AFG1L: variants seen among roughly 807,000 people sequenced by gnomAD.
AFG1L encodes AFG1 like ATPase.
In AFG1L, 53 loss-of-function variants were observed where a neutral mutation model predicts 62.2. The ratio of observed to expected loss-of-function variants is 0.85; its 90% CI spans 0.68 to 1.07. The LOEUF (loss-of-function observed/expected upper bound fraction) is 1.07, where lower values mean the gene tolerates loss of function less well. Ranked by LOEUF, AFG1L falls within the 50% of genes least tolerant of loss-of-function variation. AFG1L has a pLI of 0.00. For synonymous variants in AFG1L, 228 were observed against 210.3 expected (o/e 1.08, Z -0.73); for missense variants, 555 against 590.5 (o/e 0.94, Z 0.62).
At chr6:108,496,992 T>A (rs2114866169) in intron 10 of AFG1L, among the ~76,000 whole-genome samples, 1 of 152,346 alleles carries the variant, frequency 6.6e-6, no homozygotes, top group Non-Finnish European at 1.5e-5. Context: ...CTTAATTTAT[T>A]GAACCATTCT....
intron 7 of AFG1L, among the ~76,000 whole-genome samples, chr6:108,437,964 A>C (rs1038522428): frequency 6.6e-6 from 1 of 152,134 alleles, no homozygotes; most frequent in African/African-American, 2.4e-5. Context: ...TGCACTGTGA[A>C]TTGTGAATTT....
intron 7 of AFG1L, among the ~76,000 whole-genome samples, chr6:108,446,051 TACACACACACACACAC>T (rs67384163): frequency 0.071 from 10,004 of 141,814 alleles, 395 homozygotes; most frequent in Admixed American, 0.091. Flanking sequence ...TATGTAGAGA[TACACACACACACACAC>T]ACACACACAC....
At chr6:108,304,042 C>A (rs1320923878) in intron 1 of AFG1L, among the ~76,000 whole-genome samples, 1 of 152,060 alleles carries the variant, frequency 6.6e-6, no homozygotes. Flanking sequence ...TACACATTGG[C>A]ACATTTAAGA....
At position 108,382,879 on chromosome 6, in the gene AFG1L, G is replaced by A. The variant is rs548543698; in HGVS notation, c.748+16547G>A. Among the ~76,000 whole-genome samples, 9 of 152,272 alleles carry A rather than the reference G, an allele frequency of 5.9e-5. No individual in the cohort carries two copies. The South Asian group carries it at 1.2e-3, about 21-fold the overall frequency. Reference sequence around the variant, plus strand: ...AGACCTTGTTCAAGATTATATACACGTGCTTAAGAAAATACCCTAATATGA... The same window carrying A: ...AGACCTTGTTCAAGATTATATACACATGCTTAAGAAAATACCCTAATATGA... On this transcript the variant is annotated intron_variant, in intron 6 of 12. Coordinates refer to ENST00000368977, the MANE Select transcript of AFG1L (RefSeq NM_145315.5).
At chr6:108,344,951 A>C (rs920894523) in intron 2 of AFG1L, 3 of 358,318 alleles carry the variant, frequency 8.4e-6, no homozygotes, top group South Asian at 6.5e-5. Context: ...CTGCAGTGCC[A>C]CTGTGGTCCT....
intron 12 of AFG1L, chr6:108,520,914 C>G (rs987654573): frequency 7.2e-5 from 11 of 152,236 alleles, no homozygotes; most frequent in African/African-American, 2.4e-4. Context: ...TGAGGGATCT[C>G]TCTGGGGCAT....
At position 108,434,276 on chromosome 6, in the gene AFG1L, G is replaced by A. The variant is rs116628263; in HGVS notation, c.808-12938G>A. 3.2e-3 allele frequency among the ~76,000 whole-genome samples: 490 copies of A among 152,264 alleles called. 3 individuals carry two copies. The highest frequency in any genetic ancestry group is 0.011 in the African/African-American group (472 of 41,544). On this transcript the variant is annotated intron_variant, in intron 7 of 12. Coordinates refer to ENST00000368977, the MANE Select transcript of AFG1L (RefSeq NM_145315.5). ...TTTTGTCTTGGCTCCAACTCCTAGA[G>A]TGCCAAGCCTAATATCTAGGCTGGA...
Position 108,524,632 on chromosome 6 carries a change from T to C in AFG1L, c.*2207T>C, listed in dbSNP as rs1775256299. 1 of 152,224 alleles carries C rather than the reference T, an allele frequency of 6.6e-6. No individual in the cohort carries two copies. The highest frequency in any genetic ancestry group is 6.5e-5 in the Admixed American group (1 of 15,284). The allele number at this position is 152,224 out of a possible 1,614,324, so 9.4% of individuals were successfully genotyped here. A position where few individuals can be genotyped will look rare whatever the true frequency, so the allele number is the denominator to read the frequency against. On this transcript the variant is annotated 3_prime_UTR_variant, in exon 13 of 13. Transcript: ENST00000368977. ...TAACTGGAGCATGTGCCCACTTCTGTGCCCCCAATCCGCAATCTCCTTCCC... is the reference window on the plus strand; with the variant it reads ...TAACTGGAGCATGTGCCCACTTCTGCGCCCCCAATCCGCAATCTCCTTCCC...
chr6:108,518,329 A>AAGG (rs1774983015), intron 11 of AFG1L, among the ~76,000 whole-genome samples: 1 of 151,698 alleles, frequency 6.6e-6, no homozygotes, highest in South Asian at 2.1e-4. Flanking sequence ...AGCCATAAAA[A>AAGG]ATGAGTTCAT....
intron 7 of AFG1L, among the ~76,000 whole-genome samples, chr6:108,444,894 G>C (rs1333939812): frequency 6.6e-6 from 1 of 152,192 alleles, no homozygotes; most frequent in Admixed American, 6.5e-5. Flanking sequence ...AGTTGCATTA[G>C]CCTCTAACAA....
chr6:108,411,488 AACTGGGAGAC>A (rs1157384476), intron 7 of AFG1L, among the ~76,000 whole-genome samples: 1 of 152,160 alleles, frequency 6.6e-6, no homozygotes, highest in African/African-American at 2.4e-5. Flanking sequence ...CTCCCAGCCT[AACTGGGAGAC>A]ACCTCTCAGT....
At chr6:108,312,683 G>T (rs977323345) in intron 1 of AFG1L, among the ~76,000 whole-genome samples, 3 of 152,114 alleles carry the variant, frequency 2.0e-5, no homozygotes, top group Non-Finnish European at 2.9e-5. Context: ...TAGCTATGTG[G>T]AAACAGTGTC....
At chr6:108,355,780 A>G (rs1779265603) in intron 4 of AFG1L, 25 bp downstream of exon 4, 2 of 1,463,252 alleles carry the variant, frequency 1.4e-6, no homozygotes, top group African/African-American at 2.8e-5. Flanking sequence ...GAAAGAAGTG[A>G]TTTTTTCAGT....
At chr6:108,299,467 G>A (rs1443363378) in intron 1 of AFG1L, among the ~76,000 whole-genome samples, 3 of 152,138 alleles carry the variant, frequency 2.0e-5, no homozygotes, top group Admixed American at 2.0e-4. Context: ...GAAACTAAAT[G>A]ATAGGGCCAA....
chr6:108,514,259 G>T (rs1305578327), intron 11 of AFG1L, among the ~76,000 whole-genome samples: 1 of 152,146 alleles, frequency 6.6e-6, no homozygotes, highest in Non-Finnish European at 1.5e-5. Flanking sequence ...CAAAGATCGG[G>T]TTATCCACAA....
chr6:108,466,143 T>A (rs1016817540), intron 8 of AFG1L, among the ~76,000 whole-genome samples: 1 of 152,162 alleles, frequency 6.6e-6, no homozygotes, highest in African/African-American at 2.4e-5. Context: ...ATGGAAGAGA[T>A]GGAAAATGCC....
At chr6:108,445,957 C>T (rs968104185) in intron 7 of AFG1L, among the ~76,000 whole-genome samples, 1 of 151,714 alleles carries the variant, frequency 6.6e-6, no homozygotes, top group Non-Finnish European at 1.5e-5. Context: ...TGCAGGGTTG[C>T]CACAAACTTT....
At chr6:108,474,540 G>T (rs1226345555) in intron 8 of AFG1L, among the ~76,000 whole-genome samples, 4 of 152,114 alleles carry the variant, frequency 2.6e-5, no homozygotes, top group Non-Finnish European at 4.4e-5. Context: ...AGCCTTACCA[G>T]CATCTGTTGT....
In AFG1L at chr6:108,496,789, A is replaced by G. The variant is rs578056271; in HGVS notation, c.1063-13423A>G. Among the ~76,000 whole-genome samples the G allele has an allele frequency of 2.6e-5, 4 of 152,356 alleles. No individual in the cohort carries two copies. The East Asian group carries it at 7.7e-4, about 29-fold the overall frequency. On this transcript the variant is annotated intron_variant, in intron 10 of 12. Coordinates refer to ENST00000368977, the MANE Select transcript of AFG1L (RefSeq NM_145315.5). ...AGTCTTTCACTCCAACCATTTAGAA[A>G]TAACAAGTAACATTTTAAATATATT...
Sources: allele counts gnomAD v4.1 joint callset (sites outside exome capture counted in the v4.1 genomes callset), GRCh38; gene constraint gnomAD v4.1.1; transcripts MANE v1.5; gene names NCBI Gene and HGNC (gene_info 2026-07-23, HGNC 2026-07-21).